Variants in NLGN1 observed in about 807,000 individuals in gnomAD.
The protein encoded by NLGN1 is neuroligin-1.
In NLGN1, 12 loss-of-function variants were observed where a neutral mutation model predicts 65.5. The ratio of observed to expected loss-of-function variants is 0.18; its 90% CI spans 0.12 to 0.30. NLGN1 has a LOEUF of 0.30. Ranked by LOEUF, NLGN1 falls within the 10% of genes least tolerant of loss-of-function variation. The pLI is 1.00. For synonymous variants in NLGN1, 350 were observed against 359.5 expected (o/e 0.97, Z 0.30); for missense variants, 750 against 1,007.1 (o/e 0.74, Z 3.46).
At chr3:173,605,857 T>C (rs1326725283) in intron 3 of NLGN1, among the ~76,000 whole-genome samples, 2 of 152,104 alleles carry the variant, frequency 1.3e-5, no homozygotes, top group African/African-American at 2.4e-5. Flanking sequence ...AGTTTGTGTT[T>C]AGTGGAATAT....
intron 2 of NLGN1, among the ~76,000 whole-genome samples, chr3:173,527,647 T>C (rs971552910): frequency 6.6e-6 from 1 of 152,218 alleles, no homozygotes; most frequent in Non-Finnish European, 1.5e-5. Context: ...TCTGCCCGCC[T>C]CGGCCTCCCA....
chr3:173,474,598 TTG>T (rs1361658008), intron 2 of NLGN1, among the ~76,000 whole-genome samples: 1 of 152,194 alleles, frequency 6.6e-6, no homozygotes, highest in African/African-American at 2.4e-5. Context: ...TATGTACTGA[TTG>T]TCACAGTTTT....
At position 173,940,246 on chromosome 3, in the gene NLGN1, G is replaced by T. The variant is rs372465415; in HGVS notation, c.646+132414G>T. ...TGGGATTACAGGCATGCACCACCAC[G>T]CCCAGCTAATTTTTGTATTTTTAGG... is the stretch of plus-strand genomic sequence containing the variant. On this transcript the variant is annotated intron_variant, in intron 4 of 6. Transcript: ENST00000457714. Among the ~76,000 whole-genome samples, 492 of 151,752 alleles carry T rather than the reference G, an allele frequency of 3.2e-3. 5 individuals are homozygous for T. Among genetic ancestry groups the T allele is most frequent in the African/African-American group, 0.011 (461 of 41,382 alleles).
At chr3:173,539,827 A>G (rs981552098) in intron 2 of NLGN1, among the ~76,000 whole-genome samples, 23 of 128,424 alleles carry the variant, frequency 1.8e-4, no homozygotes, top group Admixed American at 6.1e-4. Context: ...TATGTTATAT[A>G]TGTATATATG....
chr3:174,154,984 ATT>A (rs1725121393), intron 4 of NLGN1, among the ~76,000 whole-genome samples: 3 of 137,622 alleles, frequency 2.2e-5, no homozygotes, highest in Admixed American at 7.6e-5. Flanking sequence ...AATATATTAT[ATT>A]ATATATTATA....
chr3:173,642,461 C>G (rs1211810873), intron 3 of NLGN1, among the ~76,000 whole-genome samples: 2 of 152,134 alleles, frequency 1.3e-5, no homozygotes, highest in African/African-American at 4.8e-5. Flanking sequence ...TGTGAAGAAG[C>G]CATCACAGTT....
At chr3:173,865,548 C>T (rs376395930) in intron 4 of NLGN1, among the ~76,000 whole-genome samples, 33 of 151,904 alleles carry the variant, frequency 2.2e-4, no homozygotes, top group Admixed American at 3.9e-4. Context: ...CACAATCTTA[C>T]GGATAAAAAC....
chr3:174,061,744 G>C (rs1737464624), intron 4 of NLGN1, among the ~76,000 whole-genome samples: 1 of 152,212 alleles, frequency 6.6e-6, no homozygotes, highest in African/African-American at 2.4e-5. Flanking sequence ...GGATCAGCAA[G>C]GTAAGCTAAT....
At chr3:173,638,183 T>C (rs1309152413) in intron 3 of NLGN1, among the ~76,000 whole-genome samples, 1 of 152,052 alleles carries the variant, frequency 6.6e-6, no homozygotes, top group Non-Finnish European at 1.5e-5. Context: ...GGGGAATGCA[T>C]TTGTTAGATT....
At chr3:173,991,233 T>C (rs1721033716) in intron 4 of NLGN1, among the ~76,000 whole-genome samples, 1 of 152,192 alleles carries the variant, frequency 6.6e-6, no homozygotes, top group Non-Finnish European at 1.5e-5. Context: ...TGCCAATAGA[T>C]TGATTTTTGA....
At chr3:173,539,735 C>CATGTACATATATAACACAT (rs1738355786) in intron 2 of NLGN1, among the ~76,000 whole-genome samples, 1 of 126,364 alleles carries the variant, frequency 7.9e-6, no homozygotes, top group African/African-American at 3.5e-5. Flanking sequence ...CACATATATA[C>CATGTACATATATAACACAT]ATATATGTAC....
intron 4 of NLGN1, among the ~76,000 whole-genome samples, chr3:173,990,859 T>A (rs1340030901): frequency 1.3e-5 from 2 of 152,218 alleles, no homozygotes; most frequent in Non-Finnish European, 2.9e-5. Flanking sequence ...GTTAAGATTG[T>A]GTTTCATTTT....
chr3:174,092,233 T>C (rs1439595772), intron 4 of NLGN1, among the ~76,000 whole-genome samples: 2 of 152,136 alleles, frequency 1.3e-5, no homozygotes, highest in African/African-American at 4.8e-5. Flanking sequence ...GAGGAAATTA[T>C]GAGCTGGGGA....
intron 4 of NLGN1, among the ~76,000 whole-genome samples, chr3:173,861,828 G>A (rs1467346862): frequency 2.0e-5 from 3 of 150,988 alleles, no homozygotes; most frequent in Admixed American, 2.0e-4. Flanking sequence ...GTGTGATCTC[G>A]GCTCACTGCA....
intron 3 of NLGN1, among the ~76,000 whole-genome samples, chr3:173,710,612 C>T (rs1203216401): frequency 6.6e-6 from 1 of 152,168 alleles, no homozygotes. Context: ...CACACGAGTG[C>T]AATGTCTTTG....
At chr3:173,745,121 T>A (rs1775176804) in intron 3 of NLGN1, among the ~76,000 whole-genome samples, 2 of 152,104 alleles carry the variant, frequency 1.3e-5, no homozygotes. Context: ...GTTGTTTTCA[T>A]CATCTATTGT....
chr3:174,006,387 C>T (rs1724400181), intron 4 of NLGN1, among the ~76,000 whole-genome samples: 2 of 152,126 alleles, frequency 1.3e-5, no homozygotes, highest in Admixed American at 6.5e-5. Flanking sequence ...GTCACATTTT[C>T]TTCCACACGT....
At chr3:173,868,104 G>C (rs1193812178) in intron 4 of NLGN1, among the ~76,000 whole-genome samples, 1 of 152,028 alleles carries the variant, frequency 6.6e-6, no homozygotes, top group Non-Finnish European at 1.5e-5. Context: ...TTATATCTAT[G>C]GCTTTCATTC....
intron 2 of NLGN1, among the ~76,000 whole-genome samples, chr3:173,449,021 A>G (rs1720954765): frequency 1.3e-5 from 2 of 151,950 alleles, no homozygotes; most frequent in Admixed American, 1.3e-4. Flanking sequence ...CGGCTCCTGG[A>G]TTCATTGATT....
Sources: gnomAD v4.1 joint callset for allele counts (sites outside exome capture counted in the v4.1 genomes callset) on GRCh38, gnomAD v4.1.1 for gene constraint, MANE v1.5 for transcripts, NCBI Gene and HGNC (gene_info 2026-07-23, HGNC 2026-07-21) for gene names.